The following SOX6 variants were observed in gnomAD, a reference collection of about 807,000 sequenced individuals.
The protein encoded by SOX6 is SRY-box transcription factor 6.
Under a neutral mutation model 97.8 loss-of-function variants are expected in SOX6, and 11 were observed. That is an observed-to-expected ratio of 0.11 (90% confidence interval 0.07 to 0.19). The LOEUF is 0.19. Ranked by LOEUF, SOX6 falls within the 10% of genes least tolerant of loss-of-function variation. SOX6 has a pLI of 1.00. For missense variants in SOX6, 810 were observed against 1,039.5 expected, an observed-to-expected ratio of 0.78 and a Z score of 3.04; for synonymous variants, 360 against 371.4, an observed-to-expected ratio of 0.97 and a Z score of 0.35.
chr11:16,189,891 A>G (rs1851584654), intron 4 of SOX6, among the ~76,000 whole-genome samples: 1 of 152,160 alleles, frequency 6.6e-6, no homozygotes, highest in African/African-American at 2.4e-5. Context: ...ATTTTGGGCA[A>G]GGACCAATAC....
In SOX6 at chr11:16,341,503, A is replaced by G. The variant is rs1856634376; in HGVS notation, c.-4-251T>C. The stretch of plus-strand genomic sequence containing the variant: ...CTTACAATCCATTAATGATTTTTTT[A>G]CAGAGTAAGTTTTCATAATGGACAG... On this transcript the variant is annotated intron_variant, in intron 1 of 15. Transcript: ENST00000683767. 2.6e-5 allele frequency among the ~76,000 whole-genome samples: 4 copies of G among 152,200 alleles called. No homozygotes were observed. In the South Asian group the frequency reaches 8.3e-4, roughly 32 times the overall value.
chr11:16,508,751 G>T (rs544730811), intron 4 of SOX6, among the ~76,000 whole-genome samples: 11 of 152,152 alleles, frequency 7.2e-5, no homozygotes, highest in African/African-American at 2.6e-4. Context: ...AGATAGAAGG[G>T]AAAAGTTCTA....
chr11:16,195,315 T>C (rs936231445), intron 4 of SOX6, among the ~76,000 whole-genome samples: 8 of 152,208 alleles, frequency 5.3e-5, no homozygotes, highest in Non-Finnish European at 1.0e-4. Context: ...TTCTGATTTT[T>C]AATCCAAGCG....
At chr11:16,171,382 A>G (rs759913204) in intron 6 of SOX6, among the ~76,000 whole-genome samples, 59 of 152,200 alleles carry the variant, frequency 3.9e-4, no homozygotes, top group Non-Finnish European at 3.8e-4. Context: ...TTTCATTCAT[A>G]TCTAGTTAGA....
chr11:16,131,837 A>G (rs1256478243), intron 6 of SOX6, among the ~76,000 whole-genome samples: 3 of 152,126 alleles, frequency 2.0e-5, no homozygotes, highest in Admixed American at 6.6e-5. Flanking sequence ...TATTTATTGT[A>G]TGATTCAATT....
rs184270605 is a variant in SOX6, at chr11:16,276,568, A to G, written c.445+41878T>C. Among the ~76,000 whole-genome samples, 617 of 152,268 alleles carry G rather than the reference A, an allele frequency of 4.1e-3. 3 individuals are homozygous for G. Among genetic ancestry groups the G allele is most frequent in the South Asian group, 0.017 (81 of 4,830 alleles). Reference sequence around the variant, plus strand: ...CAAATAAAAAAGGTATAAATAGAATAATTCTTCGTCATGCACCATCCACTG... The same window carrying G: ...CAAATAAAAAAGGTATAAATAGAATGATTCTTCGTCATGCACCATCCACTG... On this transcript the variant is annotated intron_variant, in intron 3 of 15. Coordinates refer to ENST00000683767, the MANE Select transcript of SOX6 (RefSeq NM_001367873.1).
At chr11:16,093,787 AT>A (rs564194683) in intron 9 of SOX6, among the ~76,000 whole-genome samples, 97 of 152,008 alleles carry the variant, frequency 6.4e-4, no homozygotes, top group Non-Finnish European at 8.8e-4. Context: ...AAGAAAGCAG[AT>A]TTAAATAACA....
At chr11:16,367,168 A>G (rs1857379835) in intron 1 of SOX6, among the ~76,000 whole-genome samples, 1 of 152,150 alleles carries the variant, frequency 6.6e-6, no homozygotes, top group South Asian at 2.1e-4. Context: ...TTTTGCTTCT[A>G]TGTATGTTCT....
intron 3 of SOX6, among the ~76,000 whole-genome samples, chr11:16,248,913 C>T (rs188508887): frequency 6.5e-4 from 99 of 151,948 alleles, no homozygotes; most frequent in African/African-American, 1.9e-3. Flanking sequence ...CTGGCTAACA[C>T]GGTGAAACCC....
chr11:16,321,279 A>T (rs202080307), intron 2 of SOX6, among the ~76,000 whole-genome samples: 1 of 150,944 alleles, frequency 6.6e-6, no homozygotes, highest in East Asian at 1.9e-4. Flanking sequence ...AAAAAAAAAA[A>T]CCCTGACTCA....
intron 4 of SOX6, among the ~76,000 whole-genome samples, chr11:16,197,125 C>G (rs537927606): frequency 6.6e-6 from 1 of 152,110 alleles, no homozygotes; most frequent in East Asian, 1.9e-4. Context: ...GGAGCCACCA[C>G]GCCCAACATC....
intron 3 of SOX6, among the ~76,000 whole-genome samples, chr11:16,305,098 C>T (rs1855383634): frequency 6.6e-6 from 1 of 152,112 alleles, no homozygotes; most frequent in Non-Finnish European, 1.5e-5. Flanking sequence ...AAACTTTCAT[C>T]TGTGAAAGCC....
chr11:16,684,720 T>TA (rs200449278), intron 3 of SOX6, among the ~76,000 whole-genome samples: 2,748 of 152,074 alleles, frequency 0.018, 74 homozygotes, highest in East Asian at 0.053. Flanking sequence ...CCCTAGAACT[T>TA]AAAGTATAAT....
At chr11:16,035,280 T>C (rs146505100) in intron 12 of SOX6, among the ~76,000 whole-genome samples, 3 of 152,268 alleles carry the variant, frequency 2.0e-5, no homozygotes, top group South Asian at 4.1e-4. Flanking sequence ...ACAAAAAACT[T>C]TGAAGTCTCT....
At chr11:16,562,051 T>C (rs929823245) in intron 4 of SOX6, among the ~76,000 whole-genome samples, 2 of 152,164 alleles carry the variant, frequency 1.3e-5, no homozygotes, top group African/African-American at 4.8e-5. Context: ...TTCACTCTAA[T>C]TCTCACAAGT....
At chr11:16,692,268 G>A (rs532275697) in intron 3 of SOX6, among the ~76,000 whole-genome samples, 15 of 152,076 alleles carry the variant, frequency 9.9e-5, no homozygotes, top group Admixed American at 3.9e-4. Flanking sequence ...ACAGGGTTTC[G>A]CCATGTAGGC....
chr11:16,514,232 A>AAAAG (rs1860926704), intron 4 of SOX6, among the ~76,000 whole-genome samples: 1 of 150,962 alleles, frequency 6.6e-6, no homozygotes. Flanking sequence ...AAAAAAAAAA[A>AAAAG]GGTGTTTAAA....
chr11:16,341,351 T>C (rs2134341461), intron 1 of SOX6, 99 bp from the exon 2 acceptor site: 1 of 1,492,826 alleles, frequency 6.7e-7, no homozygotes. Flanking sequence ...GAAAGTTATT[T>C]AACTTTAGAG....
intron 6 of SOX6, among the ~76,000 whole-genome samples, chr11:16,172,227 G>A (rs1851059393): frequency 6.6e-6 from 1 of 151,930 alleles, no homozygotes; most frequent in African/African-American, 2.4e-5. Context: ...TACTTCAAAA[G>A]GATATGCAGT....
Sources: gnomAD v4.1 joint callset for allele counts (sites outside exome capture counted in the v4.1 genomes callset) on GRCh38, gnomAD v4.1.1 for gene constraint, MANE v1.5 for transcripts, NCBI Gene and HGNC (gene_info 2026-07-23, HGNC 2026-07-21) for gene names.